The following GBF1 variants were observed in gnomAD, a reference collection of about 807,000 sequenced individuals.
The protein encoded by GBF1 is golgi brefeldin A resistant guanine nucleotide exchange factor 1, also known as Golgi-specific brefeldin A-resistance guanine nucleotide exchange factor 1.
A neutral mutation model predicts 210.5 loss-of-function variants in GBF1; 114 were observed. The ratio of observed to expected loss-of-function variants is 0.54; its 90% CI spans 0.47 to 0.63. The LOEUF (loss-of-function observed/expected upper bound fraction) is 0.63. GBF1 is among the 30% of genes least tolerant of loss of function. The probability of loss-of-function intolerance (pLI) is 0.00; values close to 1 mark genes in which losing one functional copy is unlikely to be tolerated. For synonymous variants in GBF1, 850 were observed against 889.2 expected (o/e 0.96, Z 0.78); for missense variants, 1,851 against 2,357.7 (o/e 0.79, Z 4.45).
chr10:102,249,445 G>A (rs532979072), intron 1 of GBF1, among the ~76,000 whole-genome samples: 2 of 152,302 alleles, frequency 1.3e-5, no homozygotes, highest in Non-Finnish European at 2.9e-5. Context: ...GCATGCTAGA[G>A]CTGAGGTACC....
At chr10:102,273,468 T>G (rs949927786) in intron 3 of GBF1, among the ~76,000 whole-genome samples, 1 of 152,238 alleles carries the variant, frequency 6.6e-6, no homozygotes, top group Admixed American at 6.5e-5. Flanking sequence ...AGCTGTATCT[T>G]CTCCTATCCA....
At chr10:102,294,357 AGG>A (rs35860190) in intron 3 of GBF1, among the ~76,000 whole-genome samples, 26 of 151,082 alleles carry the variant, frequency 1.7e-4, no homozygotes, top group African/African-American at 6.1e-4. Flanking sequence ...TACCCAGCAC[AGG>A]GTTGCCATTT....
rs966350180 is a variant in GBF1 at position 102,366,693 on chromosome 10, T to C, written c.2433+187T>C. Among the ~76,000 whole-genome samples, 6 of 151,492 alleles carry C rather than the reference T, an allele frequency of 4.0e-5. No homozygotes were observed. The Middle Eastern group carries it at 0.01, about 259-fold the overall frequency. On this transcript the variant is annotated intron_variant, in intron 19 of 39. Coordinates refer to ENST00000369983, the MANE Select transcript of GBF1 (RefSeq NM_001377137.1). This position sits in a 1 kb window ranked among gnomAD's most constrained non-coding sequence, Gnocchi z 4.0. ...CCTCCACCCCCCGGGTTCAAGCAAT[T>C]CTCCTGCCTTAGCCTCCTGAGTAGC...
Position 102,382,276 on chromosome 10 carries a change from A to G in GBF1, c.5523A>G (p.Pro1841=). ...CTGCGCTCATCGAGGCCACCTCACC[A>G]GTGCCCCTCCTGGCCACACCCCGCC... ...LNPALIEATS[P]VPLLATPRPT... The change falls in exon 40 of 40, where the codon CCA becomes CCG. Residue 1841 remains proline, a synonymous_variant. Coordinates refer to ENST00000369983, the MANE Select transcript of GBF1 (RefSeq NM_001377137.1). 6.2e-7 allele frequency: 1 copy of G among 1,613,878 alleles called. No individual in the cohort carries two copies. The highest frequency in any genetic ancestry group is 1.1e-5 in the South Asian group (1 of 91,068).
At position 102,367,124 on chromosome 10, in the gene GBF1, T is replaced by C. The variant is rs2059959320; in HGVS notation, c.2473T>C (p.Phe825Leu). Residue 825 changes from phenylalanine (F) to leucine (L), a missense_variant, in exon 20 of 40, where the codon TTT becomes CTT. By Grantham distance (22) the Phe-to-Leu change is conservative (BLOSUM62 0). Coordinates refer to ENST00000369983, the MANE Select transcript of GBF1 (RefSeq NM_001377137.1). Reference protein sequence around the residue: ...GSPFANSDACFSLAYAVIMLN... With the variant: ...GSPFANSDACLSLAYAVIMLN... ...CCCATTTGCCAATAGCGATGCCTGC[T>C]TTTCCCTGGCCTATGCTGTCATCAT... is the stretch of plus-strand genomic sequence containing the variant. 6.2e-7 allele frequency: 1 copy of C among 1,613,820 alleles called. No homozygotes were observed. Among genetic ancestry groups the C allele is most frequent in the Non-Finnish European group, 8.5e-7 (1 of 1,179,836 alleles).
intron 1 of GBF1, 39 bp from the exon 2 acceptor site, chr10:102,258,890 C>A: frequency 1.8e-6 from 2 of 1,087,792 alleles, no homozygotes; most frequent in Non-Finnish European, 2.9e-6. Context: ...TTTGGGTAAC[C>A]AAATATTAAC....
At chr10:102,333,297 A>C (rs1317843049) in intron 3 of GBF1, among the ~76,000 whole-genome samples, 1 of 152,194 alleles carries the variant, frequency 6.6e-6, no homozygotes, top group Non-Finnish European at 1.5e-5. Flanking sequence ...GTCCGTTGAC[A>C]GTGTTTTCTG....
intron 5 of GBF1, 24 bp from the exon 6 acceptor site, chr10:102,351,819 G>C (rs372547069): frequency 3.0e-6 from 4 of 1,330,958 alleles, no homozygotes; most frequent in Non-Finnish European, 4.3e-6. Context: ...GTTTATCACA[G>C]TAATTCCTTT....
chr10:102,288,150 G>T (rs2076117196), intron 3 of GBF1, among the ~76,000 whole-genome samples: 1 of 152,108 alleles, frequency 6.6e-6, no homozygotes, highest in African/African-American at 2.4e-5. Flanking sequence ...TACCCGTTTT[G>T]CTGGGACATC....
intron 3 of GBF1, among the ~76,000 whole-genome samples, chr10:102,292,723 C>T (rs960933761): frequency 3.3e-5 from 5 of 152,022 alleles, no homozygotes; most frequent in African/African-American, 1.2e-4. Flanking sequence ...TGATGTCTTC[C>T]CACACAAGTT....
At chr10:102,232,594 A>C in the GBF1 span, among the ~76,000 whole-genome samples, 157 of 152,294 alleles carry the variant, frequency 1.0e-3, 1 homozygote, top group East Asian at 0.024. Flanking sequence ...AGGCAGGAGA[A>C]TCGCTTGAAC....
chr10:102,334,476 A>G (rs2057577059), intron 3 of GBF1, among the ~76,000 whole-genome samples: 1 of 152,212 alleles, frequency 6.6e-6, no homozygotes, highest in Non-Finnish European at 1.5e-5. Context: ...GTCCAAGGGC[A>G]GTGCTTGAGG....
intron 3 of GBF1, among the ~76,000 whole-genome samples, chr10:102,302,219 A>G (rs2077443102): frequency 6.6e-6 from 1 of 152,210 alleles, no homozygotes; most frequent in Admixed American, 6.5e-5. Context: ...GCGGGAGTAC[A>G]GTCCAGCTTC....
chr10:102,247,668 G>T (rs1053021227), intron 1 of GBF1, among the ~76,000 whole-genome samples: 1 of 151,874 alleles, frequency 6.6e-6, no homozygotes, highest in African/African-American at 2.4e-5. Flanking sequence ...AATCCTAAAT[G>T]TCATTTCTAG....
intron 4 of GBF1, among the ~76,000 whole-genome samples, chr10:102,347,311 G>T (rs748167393): frequency 6.6e-6 from 1 of 152,192 alleles, no homozygotes; most frequent in East Asian, 1.9e-4. Flanking sequence ...ACTAGCTTCT[G>T]AACAGGTGCA....
At chr10:102,299,469 C>T in intron 3 of GBF1, among the ~76,000 whole-genome samples, 1 of 152,156 alleles carries the variant, frequency 6.6e-6, no homozygotes, top group East Asian at 1.9e-4. Flanking sequence ...ATTTACTATA[C>T]ATTAATTTGT....
chr10:102,287,674 A>G (rs936935096), intron 3 of GBF1, among the ~76,000 whole-genome samples: 2 of 152,150 alleles, frequency 1.3e-5, no homozygotes, highest in South Asian at 2.1e-4. Context: ...GGGCCTCTCA[A>G]TAGGACTGCT....
rs1294380997 is a variant in GBF1 at position 102,363,875 on chromosome 10, TGAA to T, written c.2106+79_2106+81del. 1.2e-5 allele frequency: 11 copies of T among 886,474 alleles called. No individual in the cohort carries two copies. The highest frequency in any genetic ancestry group is 7.5e-5 in the Admixed American group (4 of 53,522). 54.9% of individuals were successfully genotyped at this position (886,474 alleles called of 1,614,324 possible). ...GTTGTAGGGTTTCCATCTCAGAAGATGAAGGAGAGTCTAGCACCTCATTGTACA... is the reference window on the plus strand; with the variant it reads ...GTTGTAGGGTTTCCATCTCAGAAGATGGAGAGTCTAGCACCTCATTGTACA... On this transcript the variant is annotated intron_variant, in intron 17 of 39. Coordinates refer to ENST00000369983, the MANE Select transcript of GBF1 (RefSeq NM_001377137.1). The surrounding 1 kb of genome is among the most constrained non-coding windows in gnomAD (Gnocchi z 4.2).
At chr10:102,365,637 A>G (rs1477855631) in intron 18 of GBF1, 38 bp downstream of exon 18, 2 of 1,529,750 alleles carry the variant, frequency 1.3e-6, no homozygotes, top group Admixed American at 1.7e-5. Context: ...ATAGCCAGGT[A>G]TGGTGGCTCA....
Sources: gnomAD v4.1 joint callset for allele counts (sites outside exome capture counted in the v4.1 genomes callset) on GRCh38, gnomAD v4.1.1 for gene constraint, Gnocchi (gnomAD v3.1) non-coding constraint, MANE v1.5 for transcripts, NCBI Gene and HGNC (gene_info 2026-07-23, HGNC 2026-07-21) for gene names.